MTUS2: variants seen among roughly 807,000 people sequenced by gnomAD.
MTUS2 encodes the protein microtubule associated scaffold protein 2.
MTUS2 carries 40 observed loss-of-function variants against 114.1 expected under a neutral mutation model. That is an observed-to-expected ratio of 0.35 (90% CI 0.27 to 0.46). The LOEUF (loss-of-function observed/expected upper bound fraction) is 0.46, where lower values mean the gene tolerates loss of function less well. MTUS2 is among the 20% of genes least tolerant of loss of function. The pLI, the probability that MTUS2 is intolerant of heterozygous loss-of-function variation, is 1.00. For synonymous variants in MTUS2, 688 were observed against 672.0 expected, an observed-to-expected ratio of 1.02 and a Z score of -0.37; for missense variants, 1,679 against 1,705.4, an observed-to-expected ratio of 0.98 and a Z score of 0.27.
At chr13:29,019,007 A>G (rs137971833) in intron 2 of MTUS2, among the ~76,000 whole-genome samples, 119 of 152,240 alleles carry the variant, frequency 7.8e-4, no homozygotes, top group Non-Finnish European at 7.4e-4. Flanking sequence ...TATGAGTACT[A>G]TGAAAAATAA....
chr13:28,895,790 T>A (rs1340528044), intron 2 of MTUS2, among the ~76,000 whole-genome samples: 2 of 152,186 alleles, frequency 1.3e-5, no homozygotes, highest in African/African-American at 2.4e-5. Context: ...TGTAAATGAA[T>A]TAACGTTAAA....
intron 2 of MTUS2, among the ~76,000 whole-genome samples, chr13:28,979,251 A>G (rs4768989): frequency 0.16 from 24,734 of 152,212 alleles, 2,607 homozygotes; most frequent in East Asian, 0.51. Context: ...TCTGACTTCC[A>G]TGGCCAAATT....
chr13:28,859,562 G>T (rs924524159), intron 2 of MTUS2, among the ~76,000 whole-genome samples: 2 of 152,218 alleles, frequency 1.3e-5, no homozygotes, highest in Non-Finnish European at 2.9e-5. Context: ...CTACAGTAAT[G>T]AAGGCTCTCA....
At chr13:29,432,755 AC>A (rs1877100847) in intron 8 of MTUS2, among the ~76,000 whole-genome samples, 1 of 152,186 alleles carries the variant, frequency 6.6e-6, no homozygotes, top group Non-Finnish European at 1.5e-5. Flanking sequence ...CAACAGCAAC[AC>A]TTGCTGGTTT....
chr13:28,865,193 C>G (rs1877224321), intron 2 of MTUS2, among the ~76,000 whole-genome samples: 1 of 152,120 alleles, frequency 6.6e-6, no homozygotes, highest in Non-Finnish European at 1.5e-5. Context: ...GCTCCTACGA[C>G]CCTTGAGATT....
intron 5 of MTUS2, among the ~76,000 whole-genome samples, chr13:29,166,861 C>A (rs763553936): frequency 2.6e-5 from 4 of 152,116 alleles, no homozygotes; most frequent in Non-Finnish European, 5.9e-5. Context: ...AAATTCAGCT[C>A]AATTGATCAT....
chr13:29,354,351 A>G (rs1432441888), intron 7 of MTUS2, among the ~76,000 whole-genome samples: 1 of 150,452 alleles, frequency 6.6e-6, no homozygotes, highest in Non-Finnish European at 1.5e-5. Context: ...GGCAATTGTC[A>G]TAACACTATT....
chr13:29,019,391 A>C (rs144265537), intron 2 of MTUS2, among the ~76,000 whole-genome samples: 109 of 152,340 alleles, frequency 7.2e-4, no homozygotes, highest in African/African-American at 2.5e-3. Context: ...GTGGATTATC[A>C]ATGAATGATA....
chr13:29,173,782 C>T (rs757951891), intron 5 of MTUS2, among the ~76,000 whole-genome samples: 3 of 151,908 alleles, frequency 2.0e-5, no homozygotes, highest in African/African-American at 7.3e-5. Context: ...CTTAAATAAA[C>T]CTGCATTAAA....
rs181079606 is a variant in MTUS2, at chr13:28,916,357, G to A, written c.-243+76507G>A. On this transcript the variant is annotated intron_variant, in intron 2 of 15. Coordinates refer to ENST00000612955, the MANE Select transcript of MTUS2 (RefSeq NM_001033602.4). ...AAAATGTCGTTGGTATTTTGATAGG[G>A]GTTGCATTGAATCTGTAGATTGCTT... 1.8e-3 allele frequency among the ~76,000 whole-genome samples: 280 copies of A among 151,892 alleles called. No individual in the cohort carries two copies. The Middle Eastern group carries it at 0.031, about 17-fold the overall frequency.
intron 2 of MTUS2, among the ~76,000 whole-genome samples, chr13:28,921,947 C>T (rs1236832970): frequency 1.3e-5 from 2 of 152,172 alleles, no homozygotes; most frequent in Non-Finnish European, 2.9e-5. Flanking sequence ...TGGTTGGTGT[C>T]TCAGTAGGGC....
chr13:29,243,111 C>T (rs1459188911), intron 5 of MTUS2, among the ~76,000 whole-genome samples: 2 of 152,174 alleles, frequency 1.3e-5, no homozygotes, highest in African/African-American at 2.4e-5. Flanking sequence ...GTATTTGCAT[C>T]TACTCATTTA....
At chr13:29,056,443 A>G (rs1888137856) in intron 4 of MTUS2, among the ~76,000 whole-genome samples, 1 of 152,016 alleles carries the variant, frequency 6.6e-6, no homozygotes, top group Non-Finnish European at 1.5e-5. Flanking sequence ...CATTGTTTAG[A>G]ATTTGGCTAT....
At chr13:29,258,333 G>C (rs1000387243) in intron 5 of MTUS2, among the ~76,000 whole-genome samples, 1 of 152,156 alleles carries the variant, frequency 6.6e-6, no homozygotes, top group Non-Finnish European at 1.5e-5. Context: ...ACAGTGTGTT[G>C]AATTCTTCTT....
rs1054916406 is a variant in MTUS2 at position 29,259,459 on chromosome 13, T to C, written c.2645-22245T>C. 3.3e-5 allele frequency among the ~76,000 whole-genome samples: 5 copies of C among 152,220 alleles called. No homozygotes were observed. The East Asian group carries it at 7.7e-4, about 23-fold the overall frequency. On this transcript the variant is annotated intron_variant, in intron 5 of 15. Transcript: ENST00000612955. Reference sequence around the variant, plus strand: ...CTCTTCCCTGCTTAAGACTTCGTGTTGAAGCTGCTGGCATCTTCCTTGGGG... The same window carrying C: ...CTCTTCCCTGCTTAAGACTTCGTGTCGAAGCTGCTGGCATCTTCCTTGGGG...
At position 28,910,855 on chromosome 13, in the gene MTUS2, CTTTTTTTTTTTTTTTTTTTTT is replaced by C. The variant is rs555935861; in HGVS notation, c.-243+71023_-243+71043del. Among the ~76,000 whole-genome samples, 14 of 58,044 alleles carry C rather than the reference CTTTTTTTTTTTTTTTTTTTTT, an allele frequency of 2.4e-4. No individual in the cohort carries two copies. In the South Asian group the frequency reaches 2.7e-3, roughly 11 times the overall value. 38.1% of individuals were successfully genotyped at this position (58,044 alleles called of 152,430 possible). On this transcript the variant is annotated intron_variant, in intron 2 of 15. Transcript: ENST00000612955. ...CTGCAATGAACACACATATACATGG[CTTTTTTTTTTTTTTTTTTTTT>C]TTTTTTTTTTTTTTTTTGAGATGGA...
chr13:28,877,167 A>AT (rs1877991990), intron 2 of MTUS2, among the ~76,000 whole-genome samples: 1 of 151,332 alleles, frequency 6.6e-6, no homozygotes, highest in Admixed American at 6.6e-5. Flanking sequence ...TACAAAAAAA[A>AT]ATTAGCTGGG....
intron 5 of MTUS2, among the ~76,000 whole-genome samples, chr13:29,161,465 G>GT: frequency 6.6e-6 from 1 of 151,400 alleles, no homozygotes. Context: ...TTATAGCTTG[G>GT]TATTTATAAG....
chr13:29,245,989 G>T (rs145034974), intron 5 of MTUS2, among the ~76,000 whole-genome samples: 8 of 152,146 alleles, frequency 5.3e-5, no homozygotes, highest in Non-Finnish European at 1.2e-4. Context: ...GAGCCACCGC[G>T]CCCAGCCTCA....
Sources: allele counts gnomAD v4.1 joint callset (sites outside exome capture counted in the v4.1 genomes callset), GRCh38; gene constraint gnomAD v4.1.1; transcripts MANE v1.5; gene names NCBI Gene and HGNC (gene_info 2026-07-23, HGNC 2026-07-21).